The following ADAMTSL1 variants were observed in gnomAD, a reference collection of about 807,000 sequenced individuals.
ADAMTSL1 encodes the protein ADAMTS like 1.
In ADAMTSL1, 126 loss-of-function variants were observed where a neutral mutation model predicts 201.8. That is an observed-to-expected ratio of 0.62 (90% CI 0.54 to 0.72). The LOEUF (loss-of-function observed/expected upper bound fraction) is 0.72, where lower values mean the gene tolerates loss of function less well. Among genes scored for constraint, ADAMTSL1 ranks in the 30% least tolerant of loss-of-function variants. The pLI, the probability that ADAMTSL1 is intolerant of heterozygous loss-of-function variation, is 0.00. For synonymous variants in ADAMTSL1, 1,121 were observed against 903.4 expected (o/e 1.24, Z -4.32); for missense variants, 2,679 against 2,277.8 (o/e 1.18, Z -3.59).
chr9:18,519,280 G>C (rs983776419), intron 2 of ADAMTSL1, among the ~76,000 whole-genome samples: 1 of 152,218 alleles, frequency 6.6e-6, no homozygotes, highest in African/African-American at 2.4e-5. Flanking sequence ...CTTGCACAGA[G>C]TAGGTATCTA....
intron 20 of ADAMTSL1, among the ~76,000 whole-genome samples, chr9:18,799,980 T>C (rs1219869073): frequency 2.6e-5 from 4 of 152,170 alleles, no homozygotes; most frequent in African/African-American, 9.7e-5. Flanking sequence ...AGCAGTTCTG[T>C]TAACAAAGGA....
At chr9:17,975,208 T>G (rs1189037923) in intron 1 of ADAMTSL1, among the ~76,000 whole-genome samples, 1 of 152,060 alleles carries the variant, frequency 6.6e-6, no homozygotes, top group East Asian at 1.9e-4. Flanking sequence ...TTTAATTGGG[T>G]CATTTTTTTT....
intron 26 of ADAMTSL1, among the ~76,000 whole-genome samples, chr9:18,898,367 A>G (rs1231829080): frequency 6.6e-6 from 1 of 152,208 alleles, no homozygotes; most frequent in African/African-American, 2.4e-5. Context: ...GAAATTCACA[A>G]TGCAATCACA....
intron 1 of ADAMTSL1, among the ~76,000 whole-genome samples, chr9:18,103,474 C>A (rs1587057342): frequency 6.6e-6 from 1 of 152,062 alleles, no homozygotes; most frequent in East Asian, 1.9e-4. Context: ...ATAAAGCCCA[C>A]TTTTTTCTCT....
chr9:18,777,174 C>A lies in ADAMTSL1; in HGVS notation c.2945C>A (p.Ala982Glu), dbSNP rs765800998. Reference protein sequence around the residue: ...LSPRSEEEVLAGRKGGPKEAL... With the variant: ...LSPRSEEEVLEGRKGGPKEAL... ...CCGAGAAGTGAGGAAGAGGTGCTTGCGGGGAGGAAGGGCGGCCCGAAGGAG... is the reference window on the plus strand; with the variant it reads ...CCGAGAAGTGAGGAAGAGGTGCTTGAGGGGAGGAAGGGCGGCCCGAAGGAG... The change falls in exon 19 of 29, where the codon GCG becomes GAG. Residue 982 changes from alanine (A) to glutamate (E), a missense_variant. Ala to Glu is a moderately radical substitution (Grantham distance 107, BLOSUM62 -1). Coordinates refer to ENST00000380548, the MANE Select transcript of ADAMTSL1 (RefSeq NM_001040272.6). 1 of 1,612,830 alleles carries A rather than the reference C, an allele frequency of 6.2e-7. No homozygotes were observed. The highest frequency in any genetic ancestry group is 2.2e-5 in the East Asian group (1 of 44,856).
At chr9:18,196,979 T>C (rs1197081586) in intron 2 of ADAMTSL1, among the ~76,000 whole-genome samples, 1 of 152,100 alleles carries the variant, frequency 6.6e-6, no homozygotes, top group Non-Finnish European at 1.5e-5. Flanking sequence ...ATGCTAATTC[T>C]CTATCTTTGT....
chr9:18,665,606 C>G (rs545331985), intron 9 of ADAMTSL1, among the ~76,000 whole-genome samples: 10 of 152,202 alleles, frequency 6.6e-5, no homozygotes, highest in African/African-American at 2.4e-4. Context: ...TCAGGAATAT[C>G]TCACTCTACA....
At chr9:18,479,314 C>T (rs1018021644) in intron 1 of ADAMTSL1, among the ~76,000 whole-genome samples, 1 of 152,154 alleles carries the variant, frequency 6.6e-6, no homozygotes. Context: ...CCAACAGTGA[C>T]CTCAGGCTTT....
At chr9:18,160,598 A>G (rs891995632) in intron 1 of ADAMTSL1, among the ~76,000 whole-genome samples, 1 of 151,970 alleles carries the variant, frequency 6.6e-6, no homozygotes, top group Non-Finnish European at 1.5e-5. Flanking sequence ...TAAAGTAACC[A>G]TGTTTTCCAG....
intron 23 of ADAMTSL1, among the ~76,000 whole-genome samples, chr9:18,862,914 G>A (rs1245746022): frequency 6.6e-6 from 1 of 152,152 alleles, no homozygotes; most frequent in Non-Finnish European, 1.5e-5. Context: ...TATATTTTAT[G>A]CCAAGAGCCT....
intron 2 of ADAMTSL1, among the ~76,000 whole-genome samples, chr9:18,194,498 C>T (rs1243534008): frequency 1.3e-5 from 2 of 152,032 alleles, no homozygotes; most frequent in African/African-American, 2.4e-5. Context: ...AATGTTAACC[C>T]GTCTTGCTTT....
chr9:18,244,087 TTGTGTG>T (rs5896777), intron 2 of ADAMTSL1, among the ~76,000 whole-genome samples: 236 of 149,784 alleles, frequency 1.6e-3, no homozygotes, highest in Non-Finnish European at 2.7e-3. Flanking sequence ...AGAAATGATT[TTGTGTG>T]TGTGTGTGTG....
At chr9:18,141,398 C>A (rs1032362767) in intron 1 of ADAMTSL1, among the ~76,000 whole-genome samples, 2 of 152,068 alleles carry the variant, frequency 1.3e-5, no homozygotes, top group Non-Finnish European at 2.9e-5. Flanking sequence ...CTGTGCTGTC[C>A]CCAGAACACC....
At chr9:18,178,726 C>G (rs1828300323) in intron 2 of ADAMTSL1, among the ~76,000 whole-genome samples, 1 of 151,958 alleles carries the variant, frequency 6.6e-6, no homozygotes, top group African/African-American at 2.4e-5. Flanking sequence ...ACCCCTGACC[C>G]CCGAGCAGCC....
intron 6 of ADAMTSL1, among the ~76,000 whole-genome samples, chr9:18,638,902 C>T (rs1176415801): frequency 1.3e-5 from 2 of 151,990 alleles, no homozygotes; most frequent in Non-Finnish European, 2.9e-5. Context: ...GGCTGAGGGC[C>T]ATCAAGATTG....
intron 15 of ADAMTSL1, among the ~76,000 whole-genome samples, chr9:18,732,238 C>G (rs1158541411): frequency 6.6e-6 from 1 of 151,992 alleles, no homozygotes; most frequent in Non-Finnish European, 1.5e-5. Flanking sequence ...TTTTCTTAAC[C>G]CACTAGTATG....
At chr9:18,517,219 G>T (rs1484853164) in intron 2 of ADAMTSL1, among the ~76,000 whole-genome samples, 5 of 152,046 alleles carry the variant, frequency 3.3e-5, no homozygotes, top group African/African-American at 1.2e-4. Flanking sequence ...TCTTGCTAGT[G>T]GATCTTAAGC....
chr9:18,757,192 A>G (rs775937987), intron 16 of ADAMTSL1, among the ~76,000 whole-genome samples: 18 of 152,278 alleles, frequency 1.2e-4, no homozygotes, highest in Non-Finnish European at 1.8e-4. Context: ...CAATTTATTA[A>G]TAGCTTTAAT....
At chr9:18,594,134 T>C (rs1824102843) in intron 4 of ADAMTSL1, among the ~76,000 whole-genome samples, 1 of 152,160 alleles carries the variant, frequency 6.6e-6, no homozygotes, top group African/African-American at 2.4e-5. Flanking sequence ...TTTTACAGGG[T>C]ACAATCTTTT....
Sources: gnomAD v4.1 joint callset for allele counts (sites outside exome capture counted in the v4.1 genomes callset) on GRCh38, gnomAD v4.1.1 for gene constraint, MANE v1.5 for transcripts, NCBI Gene and HGNC (gene_info 2026-07-23, HGNC 2026-07-21) for gene names.